Variants in NGFR observed in about 807,000 individuals in gnomAD.
NGFR encodes nerve growth factor receptor, also known as tumor necrosis factor receptor superfamily member 16.
In NGFR, 30 loss-of-function variants were observed where a neutral mutation model predicts 43.2. The observed-to-expected ratio is 0.69, with a 90% confidence interval of 0.52 to 0.94. NGFR has a LOEUF of 0.94. NGFR is among the 40% of genes least tolerant of loss of function. The pLI, the probability that NGFR is intolerant of heterozygous loss-of-function variation, is 0.00. For missense variants in NGFR, 529 were observed against 602.5 expected (o/e 0.88, Z 1.28); for synonymous variants, 246 against 259.6 (o/e 0.95, Z 0.50).
At chr17:49,502,000 AC>A (rs11466133) in intron 1 of NGFR, 62 bp from the exon 2 acceptor site, 89 of 268,066 alleles carry the variant, frequency 3.3e-4, no homozygotes, top group South Asian at 7.8e-4. Context: ...CCCCGGAAGA[AC>A]CCCCCCCAAC....
chr17:49,512,257 A>G lies in NGFR; in HGVS notation c.982+205A>G, dbSNP rs2143449123. Among the ~76,000 whole-genome samples, 1 of 152,274 alleles carries G rather than the reference A, an allele frequency of 6.6e-6. No individual in the cohort carries two copies. The highest frequency in any genetic ancestry group is 1.9e-4 in the East Asian group (1 of 5,190). On this transcript the variant is annotated intron_variant, in intron 5 of 5. Coordinates refer to ENST00000172229, the MANE Select transcript of NGFR (RefSeq NM_002507.4). The surrounding 1 kb of genome is among the most constrained non-coding windows in gnomAD (Gnocchi z 5.2). ...CGACTTGGGAAATGGAGGCTTTTAC[A>G]AGTTGGAGCATCCAGACTCATCAAG...
At position 49,513,070 on chromosome 17, in the gene NGFR, CT is replaced by C; in HGVS notation, c.*62del. 1 of 1,438,300 alleles carries C rather than the reference CT, an allele frequency of 7.0e-7. No homozygotes were observed. 89.1% of individuals were successfully genotyped at this position (1,438,300 alleles called of 1,614,324 possible). Reference sequence around the variant, plus strand: ...CGACAACCGATGCTCCAGCCAACCCCTGTGGAGCCCGCACCCCCACCCTTTG... The same window carrying C: ...CGACAACCGATGCTCCAGCCAACCCCGTGGAGCCCGCACCCCCACCCTTTG... On this transcript the variant is annotated 3_prime_UTR_variant, in exon 6 of 6. Transcript: ENST00000172229.
At chr17:49,500,231 C>A (rs748507162) in intron 1 of NGFR, among the ~76,000 whole-genome samples, 8 of 152,142 alleles carry the variant, frequency 5.3e-5, no homozygotes, top group Non-Finnish European at 8.8e-5. Context: ...GGTGCAGCCA[C>A]CATGGTGAAA....
rs2071256938 is a variant in NGFR, at chr17:49,514,471, TC to T, written c.*1463del. 6.6e-6 allele frequency: 1 copy of T among 151,728 alleles called. No homozygotes were observed. The highest frequency in any genetic ancestry group is 2.4e-5 in the African/African-American group (1 of 41,282). 9.4% of individuals were successfully genotyped at this position (151,728 alleles called of 1,614,324 possible). On this transcript the variant is annotated 3_prime_UTR_variant, in exon 6 of 6. Transcript: ENST00000172229. ...TTGGCCAGAAGGGGGCCATGAGGCC[TC>T]AGTGGACTTTCCACCCCCTCCCTGG...
chr17:49,511,423 C>T (rs1482567019), intron 4 of NGFR, among the ~76,000 whole-genome samples: 1 of 152,154 alleles, frequency 6.6e-6, no homozygotes, highest in African/African-American at 2.4e-5. Context: ...GGAGACCTTT[C>T]CTCAGGAATG....
chr17:49,495,371 C>T lies in NGFR; in HGVS notation c.-47C>T, dbSNP rs1597857678. 2.5e-6 allele frequency: 3 copies of T among 1,220,854 alleles called. No homozygotes were observed. The East Asian group carries it at 9.5e-5, about 39-fold the overall frequency. The allele number at this position is 1,220,854 out of a possible 1,614,324, so 75.6% of individuals were successfully genotyped here. A position where few individuals can be genotyped will look rare whatever the true frequency, so the allele number is the denominator to read the frequency against. ...AGCGCAGCGCAGCCCCATCAGTCCG[C>T]AAAGCGGACCGAGCTGGAAGTCGAG... On this transcript the variant is annotated 5_prime_UTR_variant, in exon 1 of 6. Coordinates refer to ENST00000172229, the MANE Select transcript of NGFR (RefSeq NM_002507.4). The surrounding 1 kb of genome is among the most constrained non-coding windows in gnomAD (Gnocchi z 6.4).
rs769812256 is a variant in NGFR at position 49,510,473 on chromosome 17, C to T, written c.630C>T (p.Pro210=). 1.4e-5 allele frequency: 22 copies of T among 1,614,004 alleles called. No individual in the cohort carries two copies. Among genetic ancestry groups the T allele is most frequent in the South Asian group, 1.3e-4 (12 of 91,088 alleles). Reference sequence around the variant, plus strand: ...CAGAGGGCTCGGACAGCACAGCCCCCAGCACCCAGGAGCCTGAGGCACCTC... The same window carrying T: ...CAGAGGGCTCGGACAGCACAGCCCCTAGCACCCAGGAGCCTGAGGCACCTC... ...TPPEGSDSTA[P]STQEPEAPPE... The change falls in exon 4 of 6, where the codon CCC becomes CCT. Residue 210 remains proline (P), a synonymous_variant. Transcript: ENST00000172229.
chr17:49,507,595 G>T (rs1275563716), intron 3 of NGFR, among the ~76,000 whole-genome samples: 1 of 152,172 alleles, frequency 6.6e-6, no homozygotes. Context: ...TTTGGTCTCT[G>T]GTTGGTGACG....
intron 1 of NGFR, 64 bp from the exon 2 acceptor site, chr17:49,501,999 A>AGGGGGGCCCCCCCCCCCC: frequency 2.4e-5 from 8 of 330,972 alleles, no homozygotes; most frequent in Non-Finnish European, 3.5e-5. Flanking sequence ...TCCCCGGAAG[A>AGGGGGGCCCCCCCCCCCC]ACCCCCCCCA....
At position 49,511,998 on chromosome 17, in the gene NGFR, G is replaced by C; in HGVS notation, c.928G>C (p.Asp310His). ...KLHSDSGISV[D>H]SQSLHDQQPH... Reference sequence around the variant, plus strand: ...CCACAGCGACAGTGGCATCTCCGTGGACAGCCAGAGCCTGCATGACCAGCA... The same window carrying C: ...CCACAGCGACAGTGGCATCTCCGTGCACAGCCAGAGCCTGCATGACCAGCA... The change falls in exon 5 of 6, where the codon GAC becomes CAC. Residue 310 changes from aspartate (D) to histidine (H), a missense_variant. Physicochemically the swap from Asp to His is moderately conservative, Grantham distance 81. Coordinates refer to ENST00000172229, the MANE Select transcript of NGFR (RefSeq NM_002507.4). The C allele has an allele frequency of 6.2e-7, 1 of 1,613,890 alleles. No homozygotes were observed. The highest frequency in any genetic ancestry group is 1.1e-5 in the South Asian group (1 of 91,026).
chr17:49,507,888 C>A (rs1431581918), intron 3 of NGFR, among the ~76,000 whole-genome samples: 1 of 152,204 alleles, frequency 6.6e-6, no homozygotes, highest in Admixed American at 6.5e-5. Context: ...CTTTAGAGAT[C>A]CCCCATTCTG....
chr17:49,502,021 C>CCCCCAAAAAA, intron 1 of NGFR, 42 bp from the exon 2 acceptor site: 1 of 1,324,462 alleles, frequency 7.6e-7, no homozygotes, highest in Non-Finnish European at 9.9e-7. Flanking sequence ...CCCACCCCAG[C>CCCCCAAAAAA]TTTCTCTTGC....
chr17:49,512,146 CGGCAGGGCT>C lies in NGFR; in HGVS notation c.982+98_982+106del. The C allele has an allele frequency of 2.1e-6, 3 of 1,454,562 alleles. No individual in the cohort carries two copies. The highest frequency in any genetic ancestry group is 2.8e-6 in the Non-Finnish European group (3 of 1,087,650). The allele number at this position is 1,454,562 out of a possible 1,614,324, so 90.1% of individuals were successfully genotyped here. On this transcript the variant is annotated intron_variant, in intron 5 of 5. Coordinates refer to ENST00000172229, the MANE Select transcript of NGFR (RefSeq NM_002507.4). The surrounding 1 kb of genome is among the most constrained non-coding windows in gnomAD (Gnocchi z 5.2). ...ACTCCAGGAAGGACTGTCGGGGGGG[CGGCAGGGCT>C]GGCTCAGCGGTGCCCCTGTAGATGG... is the stretch of plus-strand genomic sequence containing the variant.
rs11466132 is a variant in NGFR, at chr17:49,501,671, G to A, written c.67-392G>A. Among the ~76,000 whole-genome samples, 702 of 152,320 alleles carry A rather than the reference G, an allele frequency of 4.6e-3. 8 individuals carry two copies. The highest frequency in any genetic ancestry group is 0.015 in the African/African-American group (617 of 41,566). On this transcript the variant is annotated intron_variant, in intron 1 of 5. Transcript: ENST00000172229. ...GATAGGTTTCAGCTCTACTTGCCCC[G>A]TTGGCTGGGAGCCCTGTGCAAGCTA...
intron 2 of NGFR, 134 bp from the exon 3 acceptor site, chr17:49,506,165 G>C (rs2071195311): frequency 6.9e-7 from 1 of 1,453,958 alleles, no homozygotes; most frequent in Non-Finnish European, 9.0e-7. Flanking sequence ...CCTTGGAAGA[G>C]GGTGGGAGCC....
Position 49,502,195 on chromosome 17 carries a change from T to C in NGFR, c.199T>C (p.Cys67Arg). The C allele has an allele frequency of 4.4e-6, 7 of 1,601,080 alleles. No homozygotes were observed. Among genetic ancestry groups the C allele is most frequent in the Non-Finnish European group, 6.0e-6 (7 of 1,171,786 alleles). ...CGANQTVCEP[C>R]LDSVTFSDVV... is the part of the protein sequence containing the mutation. Reference sequence around the variant, plus strand: ...AGCCAACCAGACCGTGTGTGAGCCCTGCCTGGACAGTGAGTAGAGGGTGGC... The same window carrying C: ...AGCCAACCAGACCGTGTGTGAGCCCCGCCTGGACAGTGAGTAGAGGGTGGC... The change falls in exon 2 of 6, where the codon TGC (cysteine) becomes CGC (arginine). Residue 67 changes from cysteine (C) to arginine (R), a missense_variant. Coordinates refer to ENST00000172229, the MANE Select transcript of NGFR (RefSeq NM_002507.4).
At chr17:49,508,754 C>A (rs11466144) in intron 3 of NGFR, among the ~76,000 whole-genome samples, 53,225 of 152,038 alleles carry the variant, frequency 0.35, 9,814 homozygotes, top group South Asian at 0.53. Flanking sequence ...CTCATCCCCC[C>A]GCCCCCGTCA....
chr17:49,508,243 C>G (rs1335961324), intron 3 of NGFR, among the ~76,000 whole-genome samples: 1 of 152,214 alleles, frequency 6.6e-6, no homozygotes, highest in Admixed American at 6.5e-5. Flanking sequence ...CAAGTCCAGA[C>G]CAGCCAGCTG....
chr17:49,510,692 A>G, intron 4 of NGFR, 28 bp downstream of exon 4: 1 of 1,605,386 alleles, frequency 6.2e-7, no homozygotes, highest in Non-Finnish European at 8.5e-7. Context: ...GGCGACAGAG[A>G]GGGGAGATGT....
Sources: gnomAD v4.1 joint callset for allele counts (sites outside exome capture counted in the v4.1 genomes callset) on GRCh38, gnomAD v4.1.1 for gene constraint, Gnocchi (gnomAD v3.1) non-coding constraint, MANE v1.5 for transcripts, NCBI Gene and HGNC (gene_info 2026-07-23, HGNC 2026-07-21) for gene names.